The following TRPC4AP variants were observed in gnomAD, a reference collection of about 807,000 sequenced individuals.
The protein encoded by TRPC4AP is short transient receptor potential channel 4-associated protein.
A neutral mutation model predicts 99.0 loss-of-function variants in TRPC4AP; 45 were observed. That is an observed-to-expected ratio of 0.45 (90% CI 0.36 to 0.58). The LOEUF is 0.58. Among genes scored for constraint, TRPC4AP ranks in the 20% least tolerant of loss-of-function variants. The pLI is 0.00. For missense variants in TRPC4AP, 879 were observed against 985.3 expected (o/e 0.89, Z 1.44); for synonymous variants, 408 against 385.8 (o/e 1.06, Z -0.67).
chr20:35,092,065 C>G (rs1280485892), intron 1 of TRPC4AP, among the ~76,000 whole-genome samples: 1 of 152,054 alleles, frequency 6.6e-6, no homozygotes, highest in Non-Finnish European at 1.5e-5. Flanking sequence ...AGGCAGACAA[C>G]AAAGAAATAC....
rs2082603294 is a variant in TRPC4AP at position 35,010,244 on chromosome 20, C to G, written c.1454G>C (p.Ser485Thr). The change falls in exon 12 of 19, where the codon AGT becomes ACT. Residue 485 changes from serine to threonine, a missense_variant. This residue lies in a region of TRPC4AP where 603 missense variants were observed against 631.8 expected (regional missense o/e 0.95). Coordinates refer to ENST00000252015, the MANE Select transcript of TRPC4AP (RefSeq NM_015638.3). The part of the protein sequence containing the change: ...LLNNQELNEL[S>T]AISLKANIPE... ...GATGTTGGCCTTGAGAGAGATGGCA[C>G]TGAGTTCATTCAGCTCCTGGTTGTT... 1.8e-5 allele frequency: 29 copies of G among 1,614,116 alleles called. No homozygotes were observed. Among genetic ancestry groups the G allele is most frequent in the Non-Finnish European group, 2.5e-5 (29 of 1,180,054 alleles).
Position 35,083,810 on chromosome 20 carries a change from T to A in TRPC4AP, c.169-5636A>T, listed in dbSNP as rs886712980. Among the ~76,000 whole-genome samples, 66 of 150,204 alleles carry A rather than the reference T, an allele frequency of 4.4e-4. 1 individual carries two copies. The highest frequency in any genetic ancestry group is 1.6e-3 in the African/African-American group (64 of 40,854). On this transcript the variant is annotated intron_variant, in intron 1 of 18. Coordinates refer to ENST00000252015, the MANE Select transcript of TRPC4AP (RefSeq NM_015638.3). ...AAGGAAGACAATTGAGGAAACAAGG[T>A]CTAAAACATGAGAAAAGAAAGAAAA... is the stretch of plus-strand genomic sequence containing the variant.
intron 5 of TRPC4AP, 113 bp from the exon 6 acceptor site, chr20:35,050,107 G>T: frequency 8.4e-7 from 1 of 1,191,844 alleles, no homozygotes; most frequent in Non-Finnish European, 1.2e-6. Flanking sequence ...ACTGGCATGA[G>T]TCAACAAAAC....
intron 1 of TRPC4AP, among the ~76,000 whole-genome samples, chr20:35,084,644 G>A (rs6119570): frequency 0.46 from 29,170 of 63,230 alleles, 12,189 homozygotes; most frequent in East Asian, 0.65. Flanking sequence ...GTATATGTAT[G>A]TATGTTTATA....
At chr20:35,033,521 T>C (rs147830749) in intron 8 of TRPC4AP, among the ~76,000 whole-genome samples, 62 of 152,214 alleles carry the variant, frequency 4.1e-4, no homozygotes, top group Non-Finnish European at 1.8e-4. Flanking sequence ...TTCTCGACTG[T>C]TTTTGATAAT....
chr20:35,085,448 C>T (rs79539428), intron 1 of TRPC4AP, among the ~76,000 whole-genome samples: 2 of 151,774 alleles, frequency 1.3e-5, no homozygotes, highest in South Asian at 2.1e-4. Context: ...CTTATCTCTA[C>T]AAAAAAATAC....
intron 8 of TRPC4AP, among the ~76,000 whole-genome samples, chr20:35,028,694 T>C (rs899999912): frequency 6.6e-6 from 1 of 152,164 alleles, no homozygotes; most frequent in Non-Finnish European, 1.5e-5. Context: ...CTTGTTGGTA[T>C]ACAGTGTTAT....
chr20:35,069,986 G>A (rs746865334), intron 2 of TRPC4AP, among the ~76,000 whole-genome samples: 29 of 151,948 alleles, frequency 1.9e-4, no homozygotes, highest in Non-Finnish European at 4.1e-4. Flanking sequence ...TGCCATCCTG[G>A]AACCCAAACA....
At chr20:35,020,165 T>C (rs1009961758) in intron 9 of TRPC4AP, among the ~76,000 whole-genome samples, 8 of 152,308 alleles carry the variant, frequency 5.3e-5, no homozygotes, top group African/African-American at 1.7e-4. Flanking sequence ...AGTCCCACCA[T>C]CAATGTGCTG....
intron 5 of TRPC4AP, among the ~76,000 whole-genome samples, chr20:35,052,738 C>T (rs371134321): frequency 1.3e-5 from 2 of 152,108 alleles, no homozygotes; most frequent in Non-Finnish European, 2.9e-5. Context: ...GTGATCCACC[C>T]GCCTCAGCCT....
At position 35,029,780 on chromosome 20, in the gene TRPC4AP, C is replaced by T. The variant is rs186145725; in HGVS notation, c.1051+5343G>A. ...CCTCCCCAGCAGCTGGGACTACAGGCGCCCGCCACCACGCCCAGCTAATTT... is the reference window on the plus strand; with the variant it reads ...CCTCCCCAGCAGCTGGGACTACAGGTGCCCGCCACCACGCCCAGCTAATTT... On this transcript the variant is annotated intron_variant, in intron 8 of 18. Coordinates refer to ENST00000252015, the MANE Select transcript of TRPC4AP (RefSeq NM_015638.3). Among the ~76,000 whole-genome samples, 1,336 of 149,032 alleles carry T rather than the reference C, an allele frequency of 9.0e-3. 13 individuals carry two copies. Among genetic ancestry groups the T allele is most frequent in the African/African-American group, 0.031 (1,281 of 41,068 alleles).
At chr20:35,021,435 A>G (rs2082887642) in intron 8 of TRPC4AP, 79 bp from the exon 9 acceptor site, 1 of 1,501,304 alleles carries the variant, frequency 6.7e-7, no homozygotes, top group Non-Finnish European at 9.0e-7. Flanking sequence ...TGCTCTGAAC[A>G]GACTTGTAGC....
chr20:35,065,492 T>A (rs1038889542), intron 3 of TRPC4AP, among the ~76,000 whole-genome samples: 1 of 152,194 alleles, frequency 6.6e-6, no homozygotes, highest in African/African-American at 2.4e-5. Flanking sequence ...TTGGGCAGCA[T>A]GACCAAGAGA....
chr20:35,073,933 G>A (rs1001138466), intron 2 of TRPC4AP, among the ~76,000 whole-genome samples: 12 of 152,148 alleles, frequency 7.9e-5, no homozygotes, highest in Non-Finnish European at 1.3e-4. Flanking sequence ...ATTAATTATT[G>A]CCTCAACTTC....
intron 12 of TRPC4AP, among the ~76,000 whole-genome samples, chr20:35,009,325 T>C (rs964579511): frequency 6.6e-6 from 1 of 152,174 alleles, no homozygotes; most frequent in Non-Finnish European, 1.5e-5. Flanking sequence ...CTGGGTACAA[T>C]TTTATTTGAA....
chr20:35,036,120 G>A (rs1023320450), intron 7 of TRPC4AP, among the ~76,000 whole-genome samples: 3 of 152,176 alleles, frequency 2.0e-5, no homozygotes, highest in Admixed American at 6.5e-5. Context: ...TGAGTGAGGT[G>A]GAAATTCTGA....
In TRPC4AP at chr20:35,003,440, G is replaced by A. The variant is rs754706800; in HGVS notation, c.2226C>T (p.His742=). ...LLRFWQQHYL[H]KDKDSTCLEN... ...CTAGGCAGGTGCTGTCCTTGTCCTT[G>A]TGCAGGTAGTGCTGCTGCCAGAAGC... is the stretch of plus-strand genomic sequence containing the variant. The change falls in exon 18 of 19, where the codon CAC becomes CAT. Residue 742 remains histidine, a synonymous_variant. Coordinates refer to ENST00000252015, the MANE Select transcript of TRPC4AP (RefSeq NM_015638.3). The A allele has an allele frequency of 4.3e-5, 69 of 1,614,062 alleles. No individual in the cohort carries two copies. The highest frequency in any genetic ancestry group is 3.4e-4 in the South Asian group (31 of 91,096).
chr20:35,077,206 C>T (rs1056841171), intron 2 of TRPC4AP, among the ~76,000 whole-genome samples: 2 of 152,148 alleles, frequency 1.3e-5, no homozygotes, highest in Non-Finnish European at 2.9e-5. Flanking sequence ...CCACCCCTTG[C>T]GACTCCCAGG....
At chr20:35,038,363 G>A (rs1453511736) in intron 7 of TRPC4AP, among the ~76,000 whole-genome samples, 2 of 151,698 alleles carry the variant, frequency 1.3e-5, no homozygotes, top group African/African-American at 4.8e-5. Context: ...CAACACGGTG[G>A]GGAAGATGAA....
Sources: gnomAD v4.1 joint callset for allele counts (sites outside exome capture counted in the v4.1 genomes callset) on GRCh38, gnomAD v4.1.1 for gene constraint, gnomAD v4.1.1 regional missense constraint, MANE v1.5 for transcripts, NCBI Gene and HGNC (gene_info 2026-07-23, HGNC 2026-07-21) for gene names.